The following OSBPL8 variants were observed in gnomAD, a reference collection of about 807,000 sequenced individuals.
The protein encoded by OSBPL8 is oxysterol-binding protein-related protein 8.
Under a neutral mutation model 125.5 loss-of-function variants are expected in OSBPL8, and 59 were observed. The observed-to-expected ratio is 0.47, with a 90% CI of 0.38 to 0.58. OSBPL8 has a LOEUF of 0.58. OSBPL8 is among the 20% of genes least tolerant of loss of function. The pLI is 0.00. For missense variants in OSBPL8, 758 were observed against 1,047.8 expected (o/e 0.72, Z 3.82); for synonymous variants, 330 against 338.9 (o/e 0.97, Z 0.29).
intron 5 of OSBPL8, among the ~76,000 whole-genome samples, chr12:76,406,345 G>C (rs1592619895): frequency 1.3e-5 from 2 of 152,262 alleles, no homozygotes; most frequent in South Asian, 4.1e-4. Flanking sequence ...TTTAAAGCAA[G>C]TAAAAGATGA....
At chr12:76,407,451 A>G (rs1275619188) in intron 5 of OSBPL8, among the ~76,000 whole-genome samples, 1 of 152,010 alleles carries the variant, frequency 6.6e-6, no homozygotes, top group Non-Finnish European at 1.5e-5. Context: ...GGGTCTTGTC[A>G]TGTCCAGGCT....
chr12:76,524,684 CTTTTT>C (rs199735464), intron 1 of OSBPL8, among the ~76,000 whole-genome samples: 1 of 139,092 alleles, frequency 7.2e-6, no homozygotes. Context: ...GATCTAATTA[CTTTTT>C]TTTTTTTTTT....
At chr12:76,509,603 T>C (rs1455856421) in intron 1 of OSBPL8, among the ~76,000 whole-genome samples, 12 of 152,190 alleles carry the variant, frequency 7.9e-5, no homozygotes, top group Admixed American at 7.9e-4. Context: ...TTGGCACCTA[T>C]GAATTATGTT....
intron 4 of OSBPL8, among the ~76,000 whole-genome samples, chr12:76,445,630 T>A (rs1204815064): frequency 6.6e-6 from 1 of 152,102 alleles, no homozygotes; most frequent in African/African-American, 2.4e-5. Context: ...TCAAACATCA[T>A]CAGTAATGAG....
At chr12:76,379,723 A>C (rs931034435) in intron 15 of OSBPL8, among the ~76,000 whole-genome samples, 2 of 152,204 alleles carry the variant, frequency 1.3e-5, no homozygotes, top group African/African-American at 4.8e-5. Context: ...GCTAGTTAGC[A>C]TTCTGTAGTT....
chr12:76,480,586 G>A (rs949435316), intron 2 of OSBPL8, among the ~76,000 whole-genome samples: 2 of 152,198 alleles, frequency 1.3e-5, no homozygotes, highest in African/African-American at 4.8e-5. Flanking sequence ...AAATAAGAAT[G>A]TAAGTAATAA....
chr12:76,477,172 C>T (rs914847687), intron 2 of OSBPL8, among the ~76,000 whole-genome samples: 17 of 152,120 alleles, frequency 1.1e-4, no homozygotes, highest in South Asian at 2.1e-4. Flanking sequence ...GTGTTAGTTG[C>T]TTAAGGCTTA....
At chr12:76,549,769 C>G (rs1292778487) in intron 1 of OSBPL8, among the ~76,000 whole-genome samples, 1 of 152,152 alleles carries the variant, frequency 6.6e-6, no homozygotes, top group Non-Finnish European at 1.5e-5. Flanking sequence ...TTATTTCTAA[C>G]TAACAATATT....
rs62000419 is a variant in OSBPL8 at position 76,386,216 on chromosome 12, T to C, written c.1485A>G (p.Leu495=). The C allele has an allele frequency of 3.1e-4, 500 of 1,608,780 alleles. 1 individual carries two copies. In the African/African-American group the frequency reaches 6.3e-3, roughly 20 times the overall value. Residue 495 remains leucine, a synonymous_variant, in exon 14 of 24, where the codon TTA becomes TTG. Transcript: ENST00000261183. ...TGCTGTTTGTTCTGGGATGAATCCA[T>C]AAACAACGGAAAGTCTCGCCAAGTA... ...NPILGETFRC[L]WIHPRTNSKT...
intron 1 of OSBPL8, among the ~76,000 whole-genome samples, chr12:76,501,555 G>A (rs1300690863): frequency 6.6e-6 from 1 of 152,206 alleles, no homozygotes; most frequent in Non-Finnish European, 1.5e-5. Flanking sequence ...AAGGAAATAG[G>A]AGAGCCCATT....
At chr12:76,524,903 C>T (rs910288418) in intron 1 of OSBPL8, among the ~76,000 whole-genome samples, 5 of 151,988 alleles carry the variant, frequency 3.3e-5, no homozygotes, top group Non-Finnish European at 5.9e-5. Flanking sequence ...AGGCTGGTCT[C>T]GAACTCCTGA....
At chr12:76,464,225 A>C (rs1032403052) in intron 2 of OSBPL8, among the ~76,000 whole-genome samples, 7 of 152,152 alleles carry the variant, frequency 4.6e-5, no homozygotes, top group Non-Finnish European at 8.8e-5. Context: ...ACCACGATCC[A>C]TGATCGCACC....
At chr12:76,447,656 G>A (rs962971233) in intron 4 of OSBPL8, among the ~76,000 whole-genome samples, 1 of 151,934 alleles carries the variant, frequency 6.6e-6, no homozygotes, top group Admixed American at 6.6e-5. Context: ...TGATTCCCCT[G>A]CCTCAGCCTC....
chr12:76,387,470 G>A (rs1488999378), intron 12 of OSBPL8, among the ~76,000 whole-genome samples: 1 of 152,070 alleles, frequency 6.6e-6, no homozygotes, highest in Non-Finnish European at 1.5e-5. Context: ...TTATTTTAAA[G>A]AAGAAATTTG....
chr12:76,513,483 A>G (rs1394850071), intron 1 of OSBPL8, among the ~76,000 whole-genome samples: 1 of 152,156 alleles, frequency 6.6e-6, no homozygotes, highest in African/African-American at 2.4e-5. Flanking sequence ...AATATCTTTA[A>G]CTTTCTGCCT....
At chr12:76,510,805 C>T (rs367693204) in intron 1 of OSBPL8, among the ~76,000 whole-genome samples, 12 of 151,112 alleles carry the variant, frequency 7.9e-5, no homozygotes, top group East Asian at 3.9e-4. Context: ...CGCTTGACCC[C>T]GGGAGCTGGA....
intron 4 of OSBPL8, among the ~76,000 whole-genome samples, chr12:76,435,936 A>G (rs1871389589): frequency 1.3e-5 from 2 of 152,174 alleles, no homozygotes; most frequent in Admixed American, 1.3e-4. Flanking sequence ...TACTCTTTCC[A>G]GGCACTATTT....
At chr12:76,501,612 C>T (rs908403341) in intron 1 of OSBPL8, among the ~76,000 whole-genome samples, 2 of 152,218 alleles carry the variant, frequency 1.3e-5, no homozygotes, top group Non-Finnish European at 2.9e-5. Context: ...TGTCATTCCA[C>T]AGTGGGCTCA....
chr12:76,463,097 G>C (rs1874947624), intron 2 of OSBPL8, among the ~76,000 whole-genome samples: 1 of 152,188 alleles, frequency 6.6e-6, no homozygotes, highest in South Asian at 2.1e-4. Flanking sequence ...TGATTGCTAT[G>C]TTGATAACAG....
Sources: gnomAD v4.1 joint callset for allele counts (sites outside exome capture counted in the v4.1 genomes callset) on GRCh38, gnomAD v4.1.1 for gene constraint, MANE v1.5 for transcripts, NCBI Gene and HGNC (gene_info 2026-07-23, HGNC 2026-07-21) for gene names.